UBQLN1: variants seen among roughly 807,000 people sequenced by gnomAD.
UBQLN1 encodes ubiquilin 1, also known as ubiquilin-1.
Under a neutral mutation model 65.4 loss-of-function variants are expected in UBQLN1, and 13 were observed. That is an observed-to-expected ratio of 0.20 (90% confidence interval 0.13 to 0.32). UBQLN1 has a LOEUF of 0.32. Ranked by LOEUF, UBQLN1 falls within the 10% of genes least tolerant of loss-of-function variation. The pLI is 1.00. For missense variants in UBQLN1, 561 were observed against 724.0 expected, an observed-to-expected ratio of 0.77 and a Z score of 2.58; for synonymous variants, 267 against 247.8, an observed-to-expected ratio of 1.08 and a Z score of -0.73.
intron 2 of UBQLN1, among the ~76,000 whole-genome samples, chr9:83,683,774 G>C (rs1031962569): frequency 6.6e-6 from 1 of 152,138 alleles, no homozygotes; most frequent in Non-Finnish European, 1.5e-5. Flanking sequence ...TGTAATCCCA[G>C]CACTTTGCGA....
intron 1 of UBQLN1, among the ~76,000 whole-genome samples, chr9:83,691,737 A>G (rs1832132307): frequency 6.6e-6 from 1 of 152,246 alleles, no homozygotes; most frequent in African/African-American, 2.4e-5. Flanking sequence ...ACAAAATTAC[A>G]GAGCTGTTGA....
At chr9:83,686,209 G>T in intron 1 of UBQLN1, 54 bp from the exon 2 acceptor site, 1 of 1,248,332 alleles carries the variant, frequency 8.0e-7, no homozygotes, top group Non-Finnish European at 1.1e-6. Flanking sequence ...GCACCATACA[G>T]TCTAGTTTCT....
chr9:83,693,701 T>C (rs1220037672), intron 1 of UBQLN1, among the ~76,000 whole-genome samples: 1 of 152,148 alleles, frequency 6.6e-6, no homozygotes, highest in Non-Finnish European at 1.5e-5. Context: ...CTGACTTTGC[T>C]TACTCCCTGT....
At position 83,695,879 on chromosome 9, in the gene UBQLN1, G is replaced by A. The variant is rs1330320574; in HGVS notation, c.181-9724C>T. 2.0e-5 allele frequency among the ~76,000 whole-genome samples: 3 copies of A among 152,246 alleles called. No individual in the cohort carries two copies. In the East Asian group the frequency reaches 5.8e-4, roughly 29 times the overall value. On this transcript the variant is annotated intron_variant, in intron 1 of 10. Transcript: ENST00000376395. ...ACAGCAGATTTAAGTATCAACTTCAGTCTCTAAAAAAAGCTCCTAATCTCA... is the reference window on the plus strand; with the variant it reads ...ACAGCAGATTTAAGTATCAACTTCAATCTCTAAAAAAAGCTCCTAATCTCA...
chr9:83,661,624 A>G lies in UBQLN1; in HGVS notation c.*163T>C, dbSNP rs1164218707. The G allele has an allele frequency of 1.5e-6, 1 of 653,582 alleles. No homozygotes were observed. Among genetic ancestry groups the G allele is most frequent in the South Asian group, 4.0e-5 (1 of 24,702 alleles). The allele number at this position is 653,582 out of a possible 1,614,324, so 40.5% of individuals were successfully genotyped here. A position where few individuals can be genotyped will look rare whatever the true frequency, so the allele number is the denominator to read the frequency against. On this transcript the variant is annotated 3_prime_UTR_variant, in exon 11 of 11. Transcript: ENST00000376395. ...CTGTTCCAGAAAAGAAAAATACAGA[A>G]AAACCCACACATCTTACTGTACTCC...
chr9:83,705,669 A>G (rs1166642973), intron 1 of UBQLN1, among the ~76,000 whole-genome samples: 2 of 152,266 alleles, frequency 1.3e-5, no homozygotes, highest in South Asian at 2.1e-4. Context: ...AAAGACTTGT[A>G]TAAGACTGTT....
intron 1 of UBQLN1, among the ~76,000 whole-genome samples, chr9:83,691,129 C>T (rs930734837): frequency 2.6e-5 from 4 of 151,568 alleles, no homozygotes; most frequent in Admixed American, 2.6e-4. Context: ...CAGAGAGGCA[C>T]TCGTCTCAAA....
chr9:83,661,111 A>T lies in UBQLN1; in HGVS notation c.*676T>A, dbSNP rs1359312894. 6.6e-6 allele frequency: 1 copy of T among 152,160 alleles called. No individual in the cohort carries two copies. The highest frequency in any genetic ancestry group is 1.5e-5 in the Non-Finnish European group (1 of 68,014). The allele number at this position is 152,160 out of a possible 1,614,324, so 9.4% of individuals were successfully genotyped here. ...TAACCAGAATCAGCTTTTCTACTGT[A>T]TTTTCAACAAACCTGACTAACCGGC... On this transcript the variant is annotated 3_prime_UTR_variant, in exon 11 of 11. Transcript: ENST00000376395.
chr9:83,680,068 T>C, intron 3 of UBQLN1, 31 bp from the exon 4 acceptor site: 1 of 1,564,966 alleles, frequency 6.4e-7, no homozygotes, highest in Non-Finnish European at 8.7e-7. Context: ...AACATACAAA[T>C]CAAAGTCAGA....
chr9:83,669,331 A>T lies in UBQLN1; in HGVS notation c.1106-4T>A, dbSNP rs749932659. ...CCTGGTGTGTTGAACATACTAGCTGAAAGTTTGTTTTTAAAAAAGACATAT... is the reference window on the plus strand; with the variant it reads ...CCTGGTGTGTTGAACATACTAGCTGTAAGTTTGTTTTTAAAAAAGACATAT... On this transcript the variant is annotated splice_region_variant and splice_polypyrimidine_tract_variant and intron_variant, in intron 6 of 10. Coordinates refer to ENST00000376395, the MANE Select transcript of UBQLN1 (RefSeq NM_013438.5). The T allele has an allele frequency of 1.4e-5, 22 of 1,577,016 alleles. No individual in the cohort carries two copies. Among genetic ancestry groups the T allele is most frequent in the Non-Finnish European group, 1.7e-5 (20 of 1,170,184 alleles).
intron 1 of UBQLN1, among the ~76,000 whole-genome samples, chr9:83,688,584 C>T (rs1315420794): frequency 4.6e-5 from 7 of 151,796 alleles, no homozygotes; most frequent in Admixed American, 1.3e-4. Flanking sequence ...ATGCATCGGG[C>T]GGGGTGCAGT....
At chr9:83,669,605 AAAAATTACGTATGGTC>A (rs1433633598) in intron 6 of UBQLN1, among the ~76,000 whole-genome samples, 1 of 152,226 alleles carries the variant, frequency 6.6e-6, no homozygotes, top group Non-Finnish European at 1.5e-5. Context: ...AACTTAAGGC[AAAAATTACGTATGGTC>A]AAAATTACTG....
Position 83,697,068 on chromosome 9 carries a change from A to T in UBQLN1, c.180+10432T>A, listed in dbSNP as rs1048339920. Reference sequence around the variant, plus strand: ...TGGGACTACAGGCTTGCACCACCACACCTAGCTATTCAATGAACTTTAAAG... The same window carrying T: ...TGGGACTACAGGCTTGCACCACCACTCCTAGCTATTCAATGAACTTTAAAG... On this transcript the variant is annotated intron_variant, in intron 1 of 10. Transcript: ENST00000376395. 4.6e-5 allele frequency among the ~76,000 whole-genome samples: 7 copies of T among 152,024 alleles called. No individual in the cohort carries two copies. In the South Asian group the frequency reaches 8.3e-4, roughly 18 times the overall value.
chr9:83,663,842 G>T, intron 10 of UBQLN1, 33 bp downstream of exon 10: 3 of 1,580,030 alleles, frequency 1.9e-6, no homozygotes, highest in Non-Finnish European at 2.6e-6. Context: ...CAACATTAAG[G>T]AATACAAAAC....
At chr9:83,698,912 C>CAAAAAAAAAAAA (rs34821277) in intron 1 of UBQLN1, among the ~76,000 whole-genome samples, 1 of 113,422 alleles carries the variant, frequency 8.8e-6, no homozygotes. Context: ...AGACCTGTCT[C>CAAAAAAAAAAAA]AAAAAAAAAA....
chr9:83,679,543 C>T (rs2131160564), intron 4 of UBQLN1, among the ~76,000 whole-genome samples: 1 of 152,290 alleles, frequency 6.6e-6, no homozygotes, highest in Non-Finnish European at 1.5e-5. Context: ...CAGCATTGGA[C>T]TTTTTGATTC....
Position 83,697,733 on chromosome 9 carries a change from CTTT to C in UBQLN1, c.180+9764_180+9766del, listed in dbSNP as rs35319221. On this transcript the variant is annotated intron_variant, in intron 1 of 10. Transcript: ENST00000376395. ...ACCACACGCGGCTATTTTTTGTACCCTTTTTTTTTTTTTTTTTTTTGAGACGAA... is the reference window on the plus strand; with the variant it reads ...ACCACACGCGGCTATTTTTTGTACCCTTTTTTTTTTTTTTTTTGAGACGAA... Among the ~76,000 whole-genome samples, 187 of 98,332 alleles carry C rather than the reference CTTT, an allele frequency of 1.9e-3. 2 individuals carry two copies. The East Asian group carries it at 0.022, about 12-fold the overall frequency. The allele number at this position is 98,332 out of a possible 152,430, so 64.5% of individuals were successfully genotyped here.
chr9:83,696,785 A>G (rs1046274267), intron 1 of UBQLN1, among the ~76,000 whole-genome samples: 2 of 152,174 alleles, frequency 1.3e-5, no homozygotes, highest in Non-Finnish European at 2.9e-5. Flanking sequence ...AAAGTAAGCA[A>G]AACAGTCCCT....
At chr9:83,679,543 CTT>C (rs1325217817) in intron 4 of UBQLN1, among the ~76,000 whole-genome samples, 1 of 152,172 alleles carries the variant, frequency 6.6e-6, no homozygotes, top group Non-Finnish European at 1.5e-5. Flanking sequence ...CAGCATTGGA[CTT>C]TTTGATTCTT....
Sources: gnomAD v4.1 joint callset for allele counts (sites outside exome capture counted in the v4.1 genomes callset) on GRCh38, gnomAD v4.1.1 for gene constraint, MANE v1.5 for transcripts, NCBI Gene and HGNC (gene_info 2026-07-23, HGNC 2026-07-21) for gene names.